The following HIF3A variants were observed in gnomAD, a reference collection of about 807,000 sequenced individuals.
HIF3A encodes the protein hypoxia inducible factor 3 subunit alpha.
Under a neutral mutation model 67.2 loss-of-function variants are expected in HIF3A, and 41 were observed. That is an observed-to-expected ratio of 0.61 (90% confidence interval 0.48 to 0.79). The LOEUF (loss-of-function observed/expected upper bound fraction) is 0.79, where lower values mean the gene tolerates loss of function less well. Ranked by LOEUF, HIF3A falls within the 30% of genes least tolerant of loss-of-function variation. The pLI is 0.00. For synonymous variants in HIF3A, 356 were observed against 374.8 expected (o/e 0.95, Z 0.58); for missense variants, 855 against 898.0 (o/e 0.95, Z 0.61).
chr19:46,320,174 G>A, intron 8 of HIF3A: 1 of 296,992 alleles, frequency 3.4e-6, no homozygotes, highest in Non-Finnish European at 6.3e-6. Flanking sequence ...AGGTTGCAGT[G>A]AGCCGAGATC....
rs770922602 is a variant in HIF3A at position 46,321,791 on chromosome 19, G to A, written c.1160G>A (p.Arg387Gln). Residue 387 changes from arginine (R) to glutamine (Q), a missense_variant, in exon 10 of 15, where the codon CGG (arginine) becomes CAG (glutamine). Physicochemically the swap from Arg to Gln is conservative, Grantham distance 43. Coordinates refer to ENST00000377670, the MANE Select transcript of HIF3A (RefSeq NM_152795.4). ...TGTCCTGCAGACACCCCTGGCCCCC[G>A]GATCCTTGCCTTCCTGCACCCGCCT... Reference protein sequence around the residue: ...PGDSLDTPGPRILAFLHPPSL... With the variant: ...PGDSLDTPGPQILAFLHPPSL... 1.4e-5 allele frequency: 23 copies of A among 1,613,444 alleles called. No individual in the cohort carries two copies. Among genetic ancestry groups the A allele is most frequent in the African/African-American group, 9.3e-5 (7 of 75,006 alleles).
At chr19:46,303,595 CT>C (rs1445316900) in intron 1 of HIF3A, 3 of 1,550,800 alleles carry the variant, frequency 1.9e-6, no homozygotes, top group Non-Finnish European at 2.6e-6. Context: ...GGGAAATAAA[CT>C]GCAGATAAGT....
At chr19:46,310,326 T>A (rs1030574378) in intron 6 of HIF3A, among the ~76,000 whole-genome samples, 1 of 151,542 alleles carries the variant, frequency 6.6e-6, no homozygotes, top group African/African-American at 2.4e-5. Flanking sequence ...GCCCAGGAGG[T>A]TGAGGCTGCA....
At chr19:46,322,233 A>C (rs1480466065) in intron 10 of HIF3A, among the ~76,000 whole-genome samples, 4 of 152,134 alleles carry the variant, frequency 2.6e-5, no homozygotes, top group Non-Finnish European at 5.9e-5. Context: ...AACAATCGTC[A>C]ACACAGAAGA....
At position 46,339,656 on chromosome 19, in the gene HIF3A, C is replaced by G; in HGVS notation, c.*34C>G. The G allele has an allele frequency of 6.8e-7, 1 of 1,475,968 alleles. No individual in the cohort carries two copies. Among genetic ancestry groups the G allele is most frequent in the Non-Finnish European group, 9.3e-7 (1 of 1,074,596 alleles). 91.4% of individuals were successfully genotyped at this position (1,475,968 alleles called of 1,614,324 possible). On this transcript the variant is annotated 3_prime_UTR_variant, in exon 15 of 15. Transcript: ENST00000377670. Reference sequence around the variant, plus strand: ...CTCTCCCCATCTGCCTTCTCCTCCCCCAGAAAGGACCTCAACCACACTCCA... The same window carrying G: ...CTCTCCCCATCTGCCTTCTCCTCCCGCAGAAAGGACCTCAACCACACTCCA...
At chr19:46,306,258 G>A (rs1968842020) in intron 3 of HIF3A, among the ~76,000 whole-genome samples, 1 of 152,130 alleles carries the variant, frequency 6.6e-6, no homozygotes, top group African/African-American at 2.4e-5. Context: ...GCAGTGGAGA[G>A]GTTGTGCCAG....
intron 1 of HIF3A, among the ~76,000 whole-genome samples, chr19:46,300,054 G>A (rs1968192632): frequency 6.6e-6 from 1 of 152,168 alleles, no homozygotes; most frequent in Non-Finnish European, 1.5e-5. Flanking sequence ...TACTTGGGCT[G>A]GGGATGCCAT....
At position 46,342,047 on chromosome 19, in the gene HIF3A, C is replaced by T. The variant is rs1270579621; in HGVS notation, c.*2425C>T. On this transcript the variant is annotated 3_prime_UTR_variant, in exon 15 of 15. Transcript: ENST00000377670. The stretch of plus-strand genomic sequence containing the variant: ...TGTACCACTCACTAGTTCCAGACTA[C>T]ACAACTTCTAGAAGGTGCCACCTCC... The T allele has an allele frequency of 1.3e-5, 2 of 152,200 alleles. No homozygotes were observed. Among genetic ancestry groups the T allele is most frequent in the Non-Finnish European group, 1.5e-5 (1 of 68,062 alleles). 9.4% of individuals were successfully genotyped at this position (152,200 alleles called of 1,614,324 possible).
intron 9 of HIF3A, 117 bp downstream of exon 9, chr19:46,320,678 C>A: frequency 2.8e-6 from 2 of 713,282 alleles, no homozygotes; most frequent in Non-Finnish European, 2.4e-6. Flanking sequence ...CCTCCCTTCC[C>A]TGCGCACTCA....
At chr19:46,320,662 CT>C in intron 9 of HIF3A, 101 bp downstream of exon 9, 1 of 803,392 alleles carries the variant, frequency 1.2e-6, no homozygotes. Flanking sequence ...TGGGACCTGC[CT>C]CCTGCCTCCC....
intron 14 of HIF3A, among the ~76,000 whole-genome samples, chr19:46,339,015 C>T (rs1163656205): frequency 6.6e-6 from 1 of 152,066 alleles, no homozygotes; most frequent in Admixed American, 6.6e-5. Flanking sequence ...TGATAGTACC[C>T]CCCACCTTTT....
chr19:46,310,011 C>T (rs933076976), intron 6 of HIF3A, among the ~76,000 whole-genome samples: 3 of 151,830 alleles, frequency 2.0e-5, no homozygotes, highest in South Asian at 4.2e-4. Context: ...GATCACCTGA[C>T]GTCAGGAGTT....
At chr19:46,338,487 A>G in intron 14 of HIF3A, 1 of 1,148,954 alleles carries the variant, frequency 8.7e-7, no homozygotes, top group Non-Finnish European at 1.1e-6. Flanking sequence ...ACTGGTATGA[A>G]CCACCACGCC....
intron 12 of HIF3A, among the ~76,000 whole-genome samples, chr19:46,329,979 T>TAG (rs796809090): frequency 0.023 from 1,249 of 53,206 alleles, 18 homozygotes; most frequent in African/African-American, 0.08. Context: ...AAAAAAAAGA[T>TAG]AGAGAGAGAG....
In HIF3A at chr19:46,304,095, C is replaced by A. The variant is rs1351682888; in HGVS notation, c.217+7C>A. The A allele has an allele frequency of 1.3e-6, 2 of 1,552,502 alleles. No individual in the cohort carries two copies. The highest frequency in any genetic ancestry group is 2.4e-5 in the East Asian group (1 of 41,586). ...CACCGCCTCTGCGCCGCAGGTGAGC[C>A]CCGCCCGCGGGAATTCCCGTCTTGG... On this transcript the variant is annotated splice_region_variant and intron_variant, in intron 2 of 14. Coordinates refer to ENST00000377670, the MANE Select transcript of HIF3A (RefSeq NM_152795.4).
intron 3 of HIF3A, 142 bp from the exon 4 acceptor site, chr19:46,308,079 T>C (rs532079586): frequency 6.8e-6 from 5 of 733,268 alleles, no homozygotes; most frequent in South Asian, 6.1e-5. Flanking sequence ...GATGGATGGA[T>C]GGATGGACAA....
intron 10 of HIF3A, among the ~76,000 whole-genome samples, chr19:46,325,014 TGA>T (rs1555785462): frequency 6.9e-6 from 1 of 144,682 alleles, no homozygotes; most frequent in African/African-American, 2.5e-5. Context: ...TGTGTGTGTG[TGA>T]GACAGAGTCT....
intron 8 of HIF3A, among the ~76,000 whole-genome samples, chr19:46,315,734 C>A (rs773469209): frequency 6.7e-6 from 1 of 150,134 alleles, no homozygotes; most frequent in East Asian, 2.0e-4. Context: ...GCCAACATGG[C>A]GAAACACCGT....
chr19:46,331,399 C>G, intron 13 of HIF3A, 126 bp downstream of exon 13: 1 of 658,412 alleles, frequency 1.5e-6, no homozygotes, highest in South Asian at 1.7e-5. Flanking sequence ...AGTCAGTGGG[C>G]CAGCTGAGAC....
Sources: allele counts gnomAD v4.1 joint callset (sites outside exome capture counted in the v4.1 genomes callset), GRCh38; gene constraint gnomAD v4.1.1; transcripts MANE v1.5; gene names NCBI Gene and HGNC (gene_info 2026-07-23, HGNC 2026-07-21).